The following C6 variants were observed in gnomAD, a reference collection of about 807,000 sequenced individuals.
The protein encoded by C6 is complement component C6.
In C6, 101 loss-of-function variants were observed where a neutral mutation model predicts 112.9. The ratio of observed to expected loss-of-function variants is 0.89; its 90% CI spans 0.76 to 1.06. C6 has a LOEUF of 1.06. Ranked by LOEUF, C6 falls within the 50% of genes least tolerant of loss-of-function variation. C6 has a pLI of 0.00. For missense variants in C6, 1,202 were observed against 1,104.6 expected, an observed-to-expected ratio of 1.09 and a Z score of -1.25; for synonymous variants, 431 against 384.1, an observed-to-expected ratio of 1.12 and a Z score of -1.43.
In C6 at chr5:41,243,200, A is replaced by G. The variant is rs539742348; in HGVS notation, c.-21+17994T>C. Among the ~76,000 whole-genome samples, 87 of 152,364 alleles carry G rather than the reference A, an allele frequency of 5.7e-4. 1 individual carries two copies. The highest frequency in any genetic ancestry group is 3.4e-3 in the Middle Eastern group (1 of 294). ...TATTTGAGATGATGACATGTCAACT[A>G]GATTGATTAACTAGGTTGATTTAAT... On this transcript the variant is annotated intron_variant, in intron 1 of 17. Transcript: ENST00000263413.
rs529620341 is a variant in C6 at position 41,222,798 on chromosome 5, C to T, written c.-20-19548G>A. Among the ~76,000 whole-genome samples, 8 of 152,136 alleles carry T rather than the reference C, an allele frequency of 5.3e-5. No homozygotes were observed. In the South Asian group the frequency reaches 8.3e-4, roughly 16 times the overall value. On this transcript the variant is annotated intron_variant, in intron 1 of 17. Transcript: ENST00000263413. ...GATCTCCTCTATTTTCCTTGTCCTT[C>T]GGGTTTATAGCATTTTATTTCTTTT...
At chr5:41,151,895 G>T (rs536988731) in intron 15 of C6, among the ~76,000 whole-genome samples, 1 of 152,182 alleles carries the variant, frequency 6.6e-6, no homozygotes, top group Non-Finnish European at 1.5e-5. Flanking sequence ...TAGCAATATG[G>T]ATGTGAATGG....
intron 1 of C6, among the ~76,000 whole-genome samples, chr5:41,231,564 A>G (rs1369232633): frequency 6.6e-6 from 1 of 152,076 alleles, no homozygotes; most frequent in Non-Finnish European, 1.5e-5. Flanking sequence ...TGCTGTTACA[A>G]CCATCTAGTT....
chr5:41,201,442 G>A, intron 3 of C6, 116 bp downstream of exon 3: 1 of 1,032,270 alleles, frequency 9.7e-7, no homozygotes, highest in Non-Finnish European at 1.5e-6. Context: ...TGGAAGCTGA[G>A]ACAGTTGATT....
rs748540513 is a variant in C6, at chr5:41,176,632, G to T, written c.1011C>A (p.Val337=). 1.9e-6 allele frequency: 3 copies of T among 1,613,768 alleles called. No homozygotes were observed. Among genetic ancestry groups the T allele is most frequent in the Non-Finnish European group, 2.5e-6 (3 of 1,179,866 alleles). ...GCAGATGGTTAAGTGCTTTCAAAAA[G>T]ACATCAGAAAGGTGCAGATCTTTAG... The part of the protein sequence containing the change: ...TKAKDLHLSD[V]FLKALNHLPL... Residue 337 remains valine, a synonymous_variant, in exon 8 of 18, where the codon GTC becomes GTA. Transcript: ENST00000337836.
chr5:41,159,072 C>T lies in C6; in HGVS notation c.1856+10G>A. On this transcript the variant is annotated intron_variant, in intron 12 of 17. Coordinates refer to ENST00000337836, the MANE Select transcript of C6 (RefSeq NM_000065.5). ...AAAATGACCCATTCTTTTCCCTTAC[C>T]CGGCCTTACTTGTTTTCCATGATTG... 3 of 1,613,494 alleles carry T rather than the reference C, an allele frequency of 1.9e-6. No individual in the cohort carries two copies. The highest frequency in any genetic ancestry group is 1.1e-5 in the South Asian group (1 of 91,066).
chr5:41,167,230 C>T (rs1437180541), intron 9 of C6, among the ~76,000 whole-genome samples: 1 of 151,812 alleles, frequency 6.6e-6, no homozygotes, highest in African/African-American at 2.4e-5. Flanking sequence ...GATTTGAAGG[C>T]TAGGGTTTTT....
At chr5:41,221,033 T>TAAAA (rs11379591) in intron 1 of C6, among the ~76,000 whole-genome samples, 5 of 148,870 alleles carry the variant, frequency 3.4e-5, no homozygotes, top group African/African-American at 1.2e-4. Flanking sequence ...TTTATGTAGC[T>TAAAA]AAAAAAAAAA....
Position 41,161,802 on chromosome 5 carries a change from T to A in C6, c.1349A>T (p.Glu450Val). Reference protein sequence around the residue: ...SISLIRGGRSEYGAALAWEKG... With the variant: ...SISLIRGGRSVYGAALAWEKG... ...CTCCCATGCCAAAGCTGCTCCATAT[T>A]CACTCCTTCCACCTCGAATCAGGGA... Residue 450 changes from glutamate (E) to valine (V), a missense_variant, in exon 10 of 18, where the codon GAA (glutamate) becomes GTA (valine). By Grantham distance (121) the Glu-to-Val change is moderately radical. Transcript: ENST00000337836. The A allele has an allele frequency of 6.2e-7, 1 of 1,613,718 alleles. No homozygotes were observed.
chr5:41,228,892 T>A (rs1739697407), intron 1 of C6, among the ~76,000 whole-genome samples: 2 of 152,174 alleles, frequency 1.3e-5, no homozygotes, highest in Admixed American at 6.5e-5. Flanking sequence ...GCACCTATGT[T>A]CCACAGGAAT....
At chr5:41,195,281 G>T (rs571386248) in intron 5 of C6, among the ~76,000 whole-genome samples, 2 of 151,736 alleles carry the variant, frequency 1.3e-5, no homozygotes, top group South Asian at 4.2e-4. Context: ...TGGCTTTATC[G>T]CTCATTATTT....
chr5:41,179,349 G>A (rs1353442444), intron 7 of C6, among the ~76,000 whole-genome samples: 2 of 152,120 alleles, frequency 1.3e-5, no homozygotes, highest in Non-Finnish European at 2.9e-5. Flanking sequence ...TCACATACGT[G>A]AAGCAAGACA....
rs749117726 is a variant in C6, at chr5:41,161,887, A to G, written c.1292-28T>C. 5.6e-6 allele frequency: 9 copies of G among 1,610,628 alleles called. No homozygotes were observed. In the East Asian group the frequency reaches 1.6e-4, roughly 28 times the overall value. On this transcript the variant is annotated intron_variant, in intron 9 of 17. Coordinates refer to ENST00000337836, the MANE Select transcript of C6 (RefSeq NM_000065.5). ...GCAAGGTGTTTCAATAAAAATGCCC[A>G]TTTAATTTTAGTGCAAATTCCTATT...
At chr5:41,210,639 G>A (rs371048041) in intron 1 of C6, among the ~76,000 whole-genome samples, 1 of 152,098 alleles carries the variant, frequency 6.6e-6, no homozygotes, top group African/African-American at 2.4e-5. Context: ...TGAAAAAAAT[G>A]CTCATCATCG....
In C6 at chr5:41,201,441, A is replaced by G. The variant is rs997173071; in HGVS notation, c.300+117T>C. 62 of 1,024,154 alleles carry G rather than the reference A, an allele frequency of 6.1e-5. No individual in the cohort carries two copies. In the African/African-American group the frequency reaches 8.7e-4, roughly 14 times the overall value. 63.4% of individuals were successfully genotyped at this position (1,024,154 alleles called of 1,614,324 possible). Reference sequence around the variant, plus strand: ...TGGAATTTTCCCTCAATGGAAGCTGAGACAGTTGATTTTCAGAAATTGAAG... The same window carrying G: ...TGGAATTTTCCCTCAATGGAAGCTGGGACAGTTGATTTTCAGAAATTGAAG... On this transcript the variant is annotated intron_variant, in intron 3 of 17. Coordinates refer to ENST00000337836, the MANE Select transcript of C6 (RefSeq NM_000065.5).
At chr5:41,164,002 C>T (rs1200519122) in intron 9 of C6, among the ~76,000 whole-genome samples, 3 of 151,132 alleles carry the variant, frequency 2.0e-5, no homozygotes, top group African/African-American at 4.9e-5. Flanking sequence ...TATAAAATAT[C>T]GTGTTAAGAA....
At chr5:41,224,697 T>C (rs572836850) in intron 1 of C6, among the ~76,000 whole-genome samples, 14 of 152,282 alleles carry the variant, frequency 9.2e-5, no homozygotes, top group South Asian at 8.3e-4. Flanking sequence ...TTATGAATAA[T>C]GCTGCTGGGA....
Position 41,199,856 on chromosome 5 carries a change from C to A in C6, c.357G>T (p.Ala119=). ...PSQFGGQPCT[A]PLVAFQPCIP... ...TGCATGGTTGAAAGGCTACCAGAGG[C>A]GCAGTGCATGGCTGTCCCCCAAACT... Residue 119 remains alanine, a synonymous_variant, in exon 4 of 18, where the codon GCG becomes GCT. Coordinates refer to ENST00000337836, the MANE Select transcript of C6 (RefSeq NM_000065.5). 6.2e-7 allele frequency: 1 copy of A among 1,613,590 alleles called. No individual in the cohort carries two copies. Among genetic ancestry groups the A allele is most frequent in the Non-Finnish European group, 8.5e-7 (1 of 1,179,598 alleles).
intron 1 of C6, among the ~76,000 whole-genome samples, chr5:41,223,916 T>G (rs1739328483): frequency 2.0e-5 from 3 of 152,152 alleles, no homozygotes. Context: ...TGCCTAAATT[T>G]TCATTGTCAT....
Sources: gnomAD v4.1 joint callset for allele counts (sites outside exome capture counted in the v4.1 genomes callset) on GRCh38, gnomAD v4.1.1 for gene constraint, MANE v1.5 for transcripts, NCBI Gene and HGNC (gene_info 2026-07-23, HGNC 2026-07-21) for gene names.